Variants in ACACB observed in about 807,000 individuals in gnomAD.
The protein encoded by ACACB is acetyl-CoA carboxylase beta, also known as acetyl-CoA carboxylase 2.
ACACB carries 209 observed loss-of-function variants against 278.8 expected under a neutral mutation model. The observed-to-expected ratio is 0.75, with a 90% confidence interval of 0.67 to 0.84. ACACB has a LOEUF of 0.84. Ranked by LOEUF, ACACB falls within the 40% of genes least tolerant of loss-of-function variation. The pLI, the probability that ACACB is intolerant of heterozygous loss-of-function variation, is 0.00. For synonymous variants in ACACB, 1,174 were observed against 1,285.6 expected (o/e 0.91, Z 1.86); for missense variants, 2,850 against 3,269.0 (o/e 0.87, Z 3.13).
Position 109,237,365 on chromosome 12 carries a change from T to C in ACACB, c.4647T>C (p.Ser1549=), listed in dbSNP as rs2136640966. 6.2e-7 allele frequency: 1 copy of C among 1,614,026 alleles called. No individual in the cohort carries two copies. The highest frequency in any genetic ancestry group is 1.1e-5 in the South Asian group (1 of 91,058). ...TCATCCGCGCCATCATCAGGCACTC[T>C]GACCTGATCACAAAGGTAAGATGTC... is the stretch of plus-strand genomic sequence containing the variant. The part of the protein sequence containing the change: ...RFFIRAIIRH[S]DLITKEASFE... Residue 1549 remains serine (S), a synonymous_variant, in exon 34 of 53, where the codon TCT becomes TCC. Coordinates refer to ENST00000338432, the MANE Select transcript of ACACB (RefSeq NM_001093.4).
chr12:109,240,071 A>C, intron 35 of ACACB, 86 bp downstream of exon 35: 1 of 1,478,136 alleles, frequency 6.8e-7, no homozygotes. Flanking sequence ...CTTGCCACTC[A>C]AGACCTGGGT....
chr12:109,132,453 T>C (rs1304920951), intron 1 of ACACB, among the ~76,000 whole-genome samples: 1 of 152,134 alleles, frequency 6.6e-6, no homozygotes, highest in Non-Finnish European at 1.5e-5. Context: ...GTGTGAGCCA[T>C]CACGCCCGGT....
At chr12:109,264,448 G>T in intron 50 of ACACB, 62 bp downstream of exon 50, 13 of 1,527,660 alleles carry the variant, frequency 8.5e-6, no homozygotes, top group Non-Finnish European at 9.0e-6. Flanking sequence ...AAACATGGAG[G>T]ACATTTGGGC....
At chr12:109,169,270 C>G (rs1196234603) in intron 4 of ACACB, among the ~76,000 whole-genome samples, 2 of 152,118 alleles carry the variant, frequency 1.3e-5, no homozygotes, top group African/African-American at 4.8e-5. Context: ...AGCACCATCC[C>G]CTAAGCCTTC....
chr12:109,179,768 G>T, intron 10 of ACACB, 149 bp from the exon 11 acceptor site: 1 of 888,504 alleles, frequency 1.1e-6, no homozygotes, highest in Non-Finnish European at 1.7e-6. Flanking sequence ...TAGGGTGATA[G>T]GCATGAGCCA....
In ACACB at chr12:109,245,731, C is replaced by T; in HGVS notation, c.5284C>T (p.Leu1762Phe). The T allele has an allele frequency of 6.2e-7, 1 of 1,614,102 alleles. No homozygotes were observed. The highest frequency in any genetic ancestry group is 8.5e-7 in the Non-Finnish European group (1 of 1,179,986). Reference sequence around the variant, plus strand: ...GGGCCAGCTGGTGGAGATGAACCGACTTCCTGGTGGAAATGAGGTAATAGC... The same window carrying T: ...GGGCCAGCTGGTGGAGATGAACCGATTTCCTGGTGGAAATGAGGTAATAGC... ...SQGQLVEMNR[L>F]PGGNEVGMVA... The change falls in exon 38 of 53, where the codon CTT becomes TTT. Residue 1762 changes from leucine (L) to phenylalanine (F), a missense_variant. Leu to Phe is a conservative substitution (Grantham distance 22, BLOSUM62 0). Transcript: ENST00000338432.
intron 28 of ACACB, among the ~76,000 whole-genome samples, chr12:109,230,201 T>C (rs1402208852): frequency 6.6e-6 from 1 of 152,242 alleles, no homozygotes; most frequent in Non-Finnish European, 1.5e-5. Context: ...AAGATGCTGC[T>C]ATGTTTTGGA....
At chr12:109,143,251 C>T (rs1593394104) in intron 2 of ACACB, among the ~76,000 whole-genome samples, 1 of 151,842 alleles carries the variant, frequency 6.6e-6, no homozygotes, top group African/African-American at 2.4e-5. Context: ...TGCTTGAGCT[C>T]AGGAGTTCAA....
chr12:109,255,376 G>A (rs1419158751), intron 44 of ACACB, among the ~76,000 whole-genome samples: 2 of 152,224 alleles, frequency 1.3e-5, no homozygotes, highest in African/African-American at 2.4e-5. Context: ...ACTCCAGCCA[G>A]TGCAAGGAGT....
At chr12:109,221,899 G>GGC (rs199538656) in intron 24 of ACACB, among the ~76,000 whole-genome samples, 1,710 of 149,814 alleles carry the variant, frequency 0.011, 59 homozygotes, top group African/African-American at 0.04. Context: ...TTTTTTGGGG[G>GGC]GGAGACAGAG....
intron 1 of ACACB, among the ~76,000 whole-genome samples, chr12:109,121,674 A>G (rs78082369): frequency 0.22 from 33,874 of 152,008 alleles, 4,156 homozygotes; most frequent in Admixed American, 0.35. Context: ...TCCCAGCCCC[A>G]AGGACTCAGT....
intron 2 of ACACB, among the ~76,000 whole-genome samples, chr12:109,140,401 A>T (rs1355260106): frequency 2.0e-5 from 3 of 150,404 alleles, no homozygotes; most frequent in African/African-American, 4.9e-5. Context: ...TCATGCCTGT[A>T]ATCCCAGCAC....
intron 6 of ACACB, among the ~76,000 whole-genome samples, chr12:109,173,471 G>A (rs972115539): frequency 1.3e-5 from 2 of 152,030 alleles, no homozygotes; most frequent in East Asian, 1.9e-4. Flanking sequence ...GCCCATTGAC[G>A]TTTTCTTTGT....
At position 109,180,004 on chromosome 12, in the gene ACACB, T is replaced by C. The variant is rs1035834443; in HGVS notation, c.1735T>C (p.Leu579=). The C allele has an allele frequency of 5.6e-6, 9 of 1,613,760 alleles. No homozygotes were observed. In the African/African-American group the frequency reaches 8.0e-5, roughly 14 times the overall value. The change falls in exon 11 of 53, where the codon TTG becomes CTG. Residue 579 remains leucine, a synonymous_variant. Coordinates refer to ENST00000338432, the MANE Select transcript of ACACB (RefSeq NM_001093.4). The part of the protein sequence containing the change: ...LYSQDGSFHF[L]ELNPRLQVEH... The stretch of plus-strand genomic sequence containing the variant: ...TAGTCAGGATGGCAGCTTCCACTTC[T>C]TGGAGCTGAATCCTCGCTTGCAGGT...
chr12:109,247,739 C>A, intron 40 of ACACB, 36 bp downstream of exon 40: 1 of 1,549,090 alleles, frequency 6.5e-7, no homozygotes, highest in South Asian at 1.1e-5. Context: ...TAATTTTGCT[C>A]ATGGTTAATT....
rs750134052 is a variant in ACACB at position 109,212,950 on chromosome 12, C to G, written c.3350+14C>G. ...GTTGGTCCAGAGGTGAATCCTGGGT[C>G]TCCCCGTAGGATGTGGTTGTCACCT... On this transcript the variant is annotated intron_variant, in intron 22 of 52. Coordinates refer to ENST00000338432, the MANE Select transcript of ACACB (RefSeq NM_001093.4). The G allele has an allele frequency of 1.1e-4, 169 of 1,608,688 alleles. No homozygotes were observed. Among genetic ancestry groups the G allele is most frequent in the Middle Eastern group, 1.6e-4 (1 of 6,070 alleles).
chr12:109,124,961 G>T (rs1013566456), intron 1 of ACACB, among the ~76,000 whole-genome samples: 1 of 152,098 alleles, frequency 6.6e-6, no homozygotes, highest in Non-Finnish European at 1.5e-5. Flanking sequence ...CGATACTCCC[G>T]CCTTGGCCTT....
rs1225818948 is a variant in ACACB, at chr12:109,166,679, C to CAAAAAAAAAAA, written c.654-182_654-181insAAAAAAAAAAA. 1.0e-3 allele frequency among the ~76,000 whole-genome samples: 21 copies of CAAAAAAAAAAA among 20,840 alleles called. 3 individuals carry two copies. The highest frequency in any genetic ancestry group is 2.4e-3 in the Non-Finnish European group (16 of 6,538). The allele number at this position is 20,840 out of a possible 152,430, so 13.7% of individuals were successfully genotyped here. A position where few individuals can be genotyped will look rare whatever the true frequency, so the allele number is the denominator to read the frequency against. On this transcript the variant is annotated intron_variant, in intron 2 of 52. Coordinates refer to ENST00000338432, the MANE Select transcript of ACACB (RefSeq NM_001093.4). ...AAAAAAAAAAAAAAAAAAAAAAAAC[C>CAAAAAAAAAAA]GAAGGTGCTTCCTGCCCTTGAGCCT... is the stretch of plus-strand genomic sequence containing the variant.
At chr12:109,194,493 C>T (rs1459165261) in intron 16 of ACACB, among the ~76,000 whole-genome samples, 2 of 136,360 alleles carry the variant, frequency 1.5e-5, no homozygotes, top group African/African-American at 5.9e-5. Context: ...CACCCCCCAA[C>T]CTCTGCCTCT....
Sources: gnomAD v4.1 joint callset for allele counts (sites outside exome capture counted in the v4.1 genomes callset) on GRCh38, gnomAD v4.1.1 for gene constraint, MANE v1.5 for transcripts, NCBI Gene and HGNC (gene_info 2026-07-23, HGNC 2026-07-21) for gene names.